The following EYS variants were observed in gnomAD, a reference collection of about 807,000 sequenced individuals.
EYS encodes the protein EGF-like photoreceptor maintenance factor.
EYS carries 250 observed loss-of-function variants against 282.1 expected under a neutral mutation model. The ratio of observed to expected loss-of-function variants is 0.89; its 90% CI spans 0.80 to 0.98. The LOEUF (loss-of-function observed/expected upper bound fraction) is 0.98, where lower values mean the gene tolerates loss of function less well. EYS is among the 50% of genes least tolerant of loss of function. The pLI, the probability that EYS is intolerant of heterozygous loss-of-function variation, is 0.00. For synonymous variants in EYS, 1,355 were observed against 1,282.9 expected, an observed-to-expected ratio of 1.06 and a Z score of -1.20; for missense variants, 4,016 against 3,709.0, an observed-to-expected ratio of 1.08 and a Z score of -2.15.
At chr6:65,356,670 T>A (rs1764498115) in intron 8 of EYS, among the ~76,000 whole-genome samples, 1 of 152,094 alleles carries the variant, frequency 6.6e-6, no homozygotes, top group Admixed American at 6.6e-5. Context: ...TAACTTTAGA[T>A]AAAATTTGGA....
chr6:64,753,267 A>G (rs573206823), intron 22 of EYS, among the ~76,000 whole-genome samples: 129 of 152,212 alleles, frequency 8.5e-4, no homozygotes, highest in Non-Finnish European at 1.3e-3. Context: ...AACATGTACC[A>G]AGTGTTCACT....
At chr6:63,957,123 A>AATCC (rs1375944934) in intron 35 of EYS, among the ~76,000 whole-genome samples, 1 of 143,170 alleles carries the variant, frequency 7.0e-6, no homozygotes, top group Non-Finnish European at 1.6e-5. Flanking sequence ...GATGAAGCTT[A>AATCC]TGTAAGACAA....
chr6:64,546,885 G>A (rs948089301), intron 26 of EYS, among the ~76,000 whole-genome samples: 3 of 152,210 alleles, frequency 2.0e-5, no homozygotes, highest in African/African-American at 7.2e-5. Flanking sequence ...AGGTGCTGGA[G>A]AGGATGTGGA....
At chr6:65,414,689 G>T (rs940539932) in intron 5 of EYS, among the ~76,000 whole-genome samples, 1 of 152,022 alleles carries the variant, frequency 6.6e-6, no homozygotes, top group Non-Finnish European at 1.5e-5. Flanking sequence ...TTAATTTCAA[G>T]ATATTTATTA....
chr6:64,507,065 A>C (rs1035537142), intron 26 of EYS, among the ~76,000 whole-genome samples: 2 of 151,834 alleles, frequency 1.3e-5, no homozygotes, highest in African/African-American at 2.4e-5. Context: ...TTATTACAAA[A>C]AGTTCAATTA....
chr6:64,337,993 G>T (rs747849282), intron 29 of EYS, among the ~76,000 whole-genome samples: 31 of 152,036 alleles, frequency 2.0e-4, no homozygotes, highest in Admixed American at 5.9e-4. Flanking sequence ...TGTAATAAAA[G>T]CCATTTATGA....
At chr6:64,048,286 C>T (rs2149842235) in intron 33 of EYS, among the ~76,000 whole-genome samples, 1 of 152,238 alleles carries the variant, frequency 6.6e-6, no homozygotes, top group South Asian at 2.1e-4. Context: ...GGGACACACA[C>T]CCATTTCTGT....
At chr6:65,609,146 T>C (rs1765905741) in intron 2 of EYS, among the ~76,000 whole-genome samples, 1 of 152,046 alleles carries the variant, frequency 6.6e-6, no homozygotes, top group Non-Finnish European at 1.5e-5. Context: ...GAGCAGTAGG[T>C]TTGTTTTCAC....
At chr6:65,606,927 T>C (rs1025128718) in intron 2 of EYS, among the ~76,000 whole-genome samples, 3 of 151,584 alleles carry the variant, frequency 2.0e-5, no homozygotes, top group African/African-American at 7.3e-5. Context: ...TTTTAATGAA[T>C]GAAGAAATAA....
chr6:64,684,242 A>C (rs928266951), intron 22 of EYS, among the ~76,000 whole-genome samples: 1 of 152,222 alleles, frequency 6.6e-6, no homozygotes, highest in Non-Finnish European at 1.5e-5. Context: ...ATATCTTTTA[A>C]GTGCTGAACA....
chr6:63,949,303 C>T (rs909536084), intron 35 of EYS, among the ~76,000 whole-genome samples: 2 of 152,170 alleles, frequency 1.3e-5, no homozygotes, highest in Non-Finnish European at 2.9e-5. Flanking sequence ...CTTACACTAT[C>T]CTACAAGTGT....
rs4034161 is a variant in EYS at position 64,564,268 on chromosome 6, CTTTTTTTT to C, written c.5644+25947_5644+25954del. ...TCCTCATCAACACGTATCTTTTGTC[CTTTTTTTT>C]TTTTTTTTTTTTTTTTTTTGAGACG... On this transcript the variant is annotated intron_variant, in intron 26 of 42. Transcript: ENST00000503581. Among the ~76,000 whole-genome samples the C allele has an allele frequency of 3.5e-3, 208 of 59,374 alleles. 1 individual carries two copies. Among genetic ancestry groups the C allele is most frequent in the African/African-American group, 0.013 (194 of 15,130 alleles). 39.0% of individuals were successfully genotyped at this position (59,374 alleles called of 152,430 possible). A position where few individuals can be genotyped will look rare whatever the true frequency, so the allele number is the denominator to read the frequency against.
chr6:63,931,141 A>AT (rs1764880495), intron 35 of EYS, among the ~76,000 whole-genome samples: 3 of 152,224 alleles, frequency 2.0e-5, no homozygotes, highest in Admixed American at 2.0e-4. Context: ...CACTTCCAAT[A>AT]GAAAACAGTT....
At chr6:65,140,888 TTGG>T (rs1354718613) in intron 12 of EYS, among the ~76,000 whole-genome samples, 1 of 148,476 alleles carries the variant, frequency 6.7e-6, no homozygotes. Flanking sequence ...TTTTACACTG[TTGG>T]TGGGACTGTA....
At chr6:63,753,319 T>C (rs1385146089) in intron 41 of EYS, among the ~76,000 whole-genome samples, 2 of 151,868 alleles carry the variant, frequency 1.3e-5, no homozygotes, top group Admixed American at 1.3e-4. Context: ...TTTGGCAGAT[T>C]CCATTGATTA....
chr6:63,868,069 A>G (rs529264098), intron 35 of EYS, among the ~76,000 whole-genome samples: 67 of 152,296 alleles, frequency 4.4e-4, no homozygotes, highest in African/African-American at 1.6e-3. Flanking sequence ...TCAAAGTACA[A>G]AGATGAGAAG....
At position 63,884,307 on chromosome 6, in the gene EYS, T is replaced by TA. The variant is rs5876874; in HGVS notation, c.7056-19950dup. Among the ~76,000 whole-genome samples the TA allele has an allele frequency of 1.3e-3, 194 of 149,962 alleles. 1 individual carries two copies. Among genetic ancestry groups the TA allele is most frequent in the Non-Finnish European group, 2.3e-3 (154 of 67,196 alleles). The stretch of plus-strand genomic sequence containing the variant: ...GCTTCCATCAAGTAAGTAAAAAGAA[T>TA]AAAAAAAAAAATTCAAATTTTAGAT... On this transcript the variant is annotated intron_variant, in intron 35 of 42. Transcript: ENST00000503581.
intron 29 of EYS, among the ~76,000 whole-genome samples, chr6:64,326,701 G>A (rs1486889318): frequency 2.0e-5 from 3 of 152,090 alleles, no homozygotes; most frequent in Non-Finnish European, 4.4e-5. Flanking sequence ...GGGAGACTTG[G>A]GGTCCTTGGC....
At chr6:64,989,570 C>A (rs1770987416) in intron 14 of EYS, among the ~76,000 whole-genome samples, 6 of 126,664 alleles carry the variant, frequency 4.7e-5, no homozygotes, top group Non-Finnish European at 3.3e-5. Flanking sequence ...TATTTAAGAA[C>A]TATGTAATGT....
Sources: gnomAD v4.1 joint callset for allele counts (sites outside exome capture counted in the v4.1 genomes callset) on GRCh38, gnomAD v4.1.1 for gene constraint, MANE v1.5 for transcripts, NCBI Gene and HGNC (gene_info 2026-07-23, HGNC 2026-07-21) for gene names.